The following GRIK2 variants were observed in gnomAD, a reference collection of about 807,000 sequenced individuals.
The protein encoded by GRIK2 is glutamate receptor ionotropic, kainate 2.
GRIK2 carries 32 observed loss-of-function variants against 100.3 expected under a neutral mutation model. The observed-to-expected ratio is 0.32, with a 90% CI of 0.24 to 0.43. The LOEUF is 0.43. Ranked by LOEUF, GRIK2 falls within the 20% of genes least tolerant of loss-of-function variation. The pLI is 1.00. For synonymous variants in GRIK2, 417 were observed against 389.4 expected, an observed-to-expected ratio of 1.07 and a Z score of -0.83; for missense variants, 843 against 1,114.9, an observed-to-expected ratio of 0.76 and a Z score of 3.47.
intron 2 of GRIK2, among the ~76,000 whole-genome samples, chr6:101,454,613 A>AT (rs1040131518): frequency 7.2e-5 from 11 of 152,012 alleles, no homozygotes; most frequent in East Asian, 3.9e-4. Context: ...CTATACTGAG[A>AT]TTTTTTTTAT....
rs577094875 is a variant in GRIK2, at chr6:101,658,220, A to G, written c.542-18403A>G. Among the ~76,000 whole-genome samples, 5 of 152,062 alleles carry G rather than the reference A, an allele frequency of 3.3e-5. No individual in the cohort carries two copies. In the South Asian group the frequency reaches 8.3e-4, roughly 25 times the overall value. On this transcript the variant is annotated intron_variant, in intron 4 of 16. Coordinates refer to ENST00000369134, the MANE Select transcript of GRIK2 (RefSeq NM_021956.5). Reference sequence around the variant, plus strand: ...TCCCTCCCCTAGTCCCTCACCCCCAACAGACCCTGGTGTGTGATGTTCTCC... The same window carrying G: ...TCCCTCCCCTAGTCCCTCACCCCCAGCAGACCCTGGTGTGTGATGTTCTCC...
At chr6:101,607,203 G>A (rs1488826411) in intron 2 of GRIK2, among the ~76,000 whole-genome samples, 1 of 151,982 alleles carries the variant, frequency 6.6e-6, no homozygotes, top group Non-Finnish European at 1.5e-5. Flanking sequence ...TGTGGCTTAT[G>A]TATATTTATA....
intron 2 of GRIK2, among the ~76,000 whole-genome samples, chr6:101,468,414 G>C (rs781683644): frequency 4.6e-5 from 7 of 152,104 alleles, no homozygotes; most frequent in Non-Finnish European, 8.8e-5. Flanking sequence ...TTCAATTCCA[G>C]TTAGCTGGCA....
rs571034393 is a variant in GRIK2, at chr6:101,909,276, A to G, written c.1749-15325A>G. On this transcript the variant is annotated intron_variant, in intron 12 of 16. Coordinates refer to ENST00000369134, the MANE Select transcript of GRIK2 (RefSeq NM_021956.5). ...TGATTATTGTTATAATGTCCTATAA[A>G]TCTCTATAAATAGGAACAGGAAGGA... is the stretch of plus-strand genomic sequence containing the variant. Among the ~76,000 whole-genome samples, 319 of 150,812 alleles carry G rather than the reference A, an allele frequency of 2.1e-3. 1 individual carries two copies. Among genetic ancestry groups the G allele is most frequent in the Non-Finnish European group, 3.3e-3 (219 of 67,268 alleles).
intron 5 of GRIK2, among the ~76,000 whole-genome samples, chr6:101,678,586 A>G (rs542533978): frequency 2.0e-5 from 3 of 152,252 alleles, no homozygotes; most frequent in Admixed American, 6.5e-5. Context: ...TTATTCTAGT[A>G]ACCAAGAAGA....
At chr6:101,730,657 T>G (rs886335557) in intron 7 of GRIK2, among the ~76,000 whole-genome samples, 11 of 151,868 alleles carry the variant, frequency 7.2e-5, no homozygotes, top group African/African-American at 2.4e-4. Flanking sequence ...TGTTTTTTTT[T>G]GTCACATTCT....
chr6:101,403,032 G>C (rs1302797534), intron 2 of GRIK2, among the ~76,000 whole-genome samples: 1 of 152,182 alleles, frequency 6.6e-6, no homozygotes, highest in Non-Finnish European at 1.5e-5. Flanking sequence ...CAGCCTGTAC[G>C]GAAGTGCGAG....
chr6:101,859,768 C>T (rs139498051), intron 11 of GRIK2, among the ~76,000 whole-genome samples: 1,593 of 152,140 alleles, frequency 0.01, 32 homozygotes, highest in African/African-American at 0.036. Flanking sequence ...GAGATACTTC[C>T]CAGGTCCTTG....
intron 14 of GRIK2, among the ~76,000 whole-genome samples, chr6:102,008,018 A>G (rs1795331990): frequency 6.6e-6 from 1 of 152,058 alleles, no homozygotes; most frequent in Non-Finnish European, 1.5e-5. Context: ...TAAGAAAATC[A>G]AAAGTTAGAA....
intron 14 of GRIK2, among the ~76,000 whole-genome samples, chr6:101,969,454 T>A (rs866618122): frequency 6.6e-6 from 1 of 152,022 alleles, no homozygotes; most frequent in African/African-American, 2.4e-5. Context: ...AAATTTTCAC[T>A]TGTTATTTTT....
At chr6:101,568,885 C>T (rs1777406287) in intron 2 of GRIK2, among the ~76,000 whole-genome samples, 1 of 151,326 alleles carries the variant, frequency 6.6e-6, no homozygotes, top group African/African-American at 2.4e-5. Context: ...CTACATTATT[C>T]TACAGCAATG....
chr6:101,806,724 C>T (rs1185991289), intron 9 of GRIK2, among the ~76,000 whole-genome samples: 1 of 151,352 alleles, frequency 6.6e-6, no homozygotes, highest in Non-Finnish European at 1.5e-5. Flanking sequence ...ATATCCATTC[C>T]CAGTTCCTTT....
chr6:101,549,224 CATA>C (rs1776392952), intron 2 of GRIK2, among the ~76,000 whole-genome samples: 1 of 139,770 alleles, frequency 7.2e-6, no homozygotes, highest in Non-Finnish European at 1.5e-5. Context: ...TGGGATATCA[CATA>C]ATGCCTCATT....
chr6:101,835,139 G>T (rs1310751350), intron 10 of GRIK2, among the ~76,000 whole-genome samples: 2 of 152,058 alleles, frequency 1.3e-5, no homozygotes. Flanking sequence ...TTATTGCCTG[G>T]TGAAGTGACT....
At position 102,067,723 on chromosome 6, in the gene GRIK2, G is replaced by C. The variant is rs192322016; in HGVS notation, c.2563-624G>C. Among the ~76,000 whole-genome samples the C allele has an allele frequency of 5.6e-3, 847 of 151,950 alleles. 7 individuals carry two copies. The highest frequency in any genetic ancestry group is 0.02 in the African/African-American group (811 of 41,504). ...ACAAAAAAGTTAATATTTGTTTGTA[G>C]ATGTCTAACATGCTATAATTTGTCA... On this transcript the variant is annotated intron_variant, in intron 16 of 16. Transcript: ENST00000369134.
intron 7 of GRIK2, among the ~76,000 whole-genome samples, chr6:101,762,886 T>G (rs1777818526): frequency 6.6e-6 from 1 of 152,188 alleles, no homozygotes. Flanking sequence ...CATTTTGGAT[T>G]TTTAAAAATG....
chr6:101,663,172 G>T (rs1413619993), intron 4 of GRIK2, among the ~76,000 whole-genome samples: 5 of 152,126 alleles, frequency 3.3e-5, no homozygotes, highest in African/African-American at 4.8e-5. Context: ...GATGTATTAA[G>T]TGCCAGTATA....
chr6:101,438,181 T>C (rs1469237786), intron 2 of GRIK2, among the ~76,000 whole-genome samples: 2 of 152,128 alleles, frequency 1.3e-5, no homozygotes, highest in East Asian at 3.9e-4. Flanking sequence ...TTAGTAGTCC[T>C]TGTGGGTTAA....
chr6:101,402,955 G>T (rs915373953), intron 2 of GRIK2, among the ~76,000 whole-genome samples: 1 of 152,198 alleles, frequency 6.6e-6, no homozygotes, highest in Non-Finnish European at 1.5e-5. Context: ...AACTGCGGCG[G>T]CGGAGGTAAT....
Sources: gnomAD v4.1 joint callset for allele counts (sites outside exome capture counted in the v4.1 genomes callset) on GRCh38, gnomAD v4.1.1 for gene constraint, MANE v1.5 for transcripts, NCBI Gene and HGNC (gene_info 2026-07-23, HGNC 2026-07-21) for gene names.